The following CADM2 variants were observed in gnomAD, a reference collection of about 807,000 sequenced individuals.
CADM2 encodes the protein cell adhesion molecule 2.
In CADM2, 12 loss-of-function variants were observed where a neutral mutation model predicts 49.8. The observed-to-expected ratio is 0.24, with a 90% CI of 0.15 to 0.39. The LOEUF (loss-of-function observed/expected upper bound fraction) is 0.39, where lower values mean the gene tolerates loss of function less well. Among genes scored for constraint, CADM2 ranks in the 10% least tolerant of loss-of-function variants. The pLI, the probability that CADM2 is intolerant of heterozygous loss-of-function variation, is 1.00. For synonymous variants in CADM2, 214 were observed against 175.4 expected, an observed-to-expected ratio of 1.22 and a Z score of -1.74; for missense variants, 378 against 492.3, an observed-to-expected ratio of 0.77 and a Z score of 2.20.
At chr3:85,202,006 G>C (rs1285431280) in intron 1 of CADM2, among the ~76,000 whole-genome samples, 1 of 150,822 alleles carries the variant, frequency 6.6e-6, no homozygotes, top group Non-Finnish European at 1.5e-5. Context: ...CTTGAACCAG[G>C]GAGGAGGAGG....
chr3:85,911,961 A>T (rs1717659543), intron 5 of CADM2, among the ~76,000 whole-genome samples: 1 of 145,522 alleles, frequency 6.9e-6, no homozygotes, highest in African/African-American at 2.6e-5. Flanking sequence ...TTTTTTTTTT[A>T]GACAGAGTCT....
At chr3:85,500,131 T>C (rs1326338067) in intron 1 of CADM2, among the ~76,000 whole-genome samples, 2 of 152,168 alleles carry the variant, frequency 1.3e-5, no homozygotes, top group East Asian at 3.9e-4. Context: ...CAAAAGAAAC[T>C]ATTTTACCTC....
At chr3:85,807,906 T>C (rs1157643053) in intron 3 of CADM2, among the ~76,000 whole-genome samples, 1 of 152,178 alleles carries the variant, frequency 6.6e-6, no homozygotes. Flanking sequence ...TTTTACCATT[T>C]AAATTGTACA....
chr3:85,058,151 C>T (rs1233318097), intron 1 of CADM2, among the ~76,000 whole-genome samples: 1 of 152,068 alleles, frequency 6.6e-6, no homozygotes, highest in Non-Finnish European at 1.5e-5. Flanking sequence ...AGTTATTTTA[C>T]TATAAATCTG....
intron 1 of CADM2, among the ~76,000 whole-genome samples, chr3:85,424,118 G>T (rs1341905270): frequency 6.6e-6 from 1 of 151,990 alleles, no homozygotes; most frequent in Non-Finnish European, 1.5e-5. Flanking sequence ...CTACTGGAGA[G>T]ATTTTTCTGA....
At chr3:86,064,605 G>A (rs528002618) in intron 8 of CADM2, among the ~76,000 whole-genome samples, 1 of 152,118 alleles carries the variant, frequency 6.6e-6, no homozygotes, top group South Asian at 2.1e-4. Flanking sequence ...GGTATTTCTA[G>A]TTCTAGATCC....
chr3:85,487,434 G>A (rs2039465354), intron 1 of CADM2, among the ~76,000 whole-genome samples: 1 of 152,118 alleles, frequency 6.6e-6, no homozygotes, highest in African/African-American at 2.4e-5. Flanking sequence ...GGGAGATTGA[G>A]GTGGAAGGAT....
At chr3:86,065,293 C>T (rs1401602789) in intron 8 of CADM2, among the ~76,000 whole-genome samples, 1 of 152,134 alleles carries the variant, frequency 6.6e-6, no homozygotes, top group Non-Finnish European at 1.5e-5. Context: ...CAGACATACA[C>T]ACACATATTT....
intron 3 of CADM2, among the ~76,000 whole-genome samples, chr3:85,828,961 G>C (rs2074054648): frequency 6.6e-6 from 1 of 151,782 alleles, no homozygotes; most frequent in South Asian, 2.1e-4. Context: ...CACTTTGTAA[G>C]TTCTTATTTT....
intron 1 of CADM2, among the ~76,000 whole-genome samples, chr3:85,184,062 G>C (rs1445213798): frequency 6.6e-6 from 1 of 152,130 alleles, no homozygotes; most frequent in African/African-American, 2.4e-5. Flanking sequence ...AGGTGATCAA[G>C]GAGTTAAGAA....
chr3:85,310,610 A>T (rs1358126759), intron 1 of CADM2, among the ~76,000 whole-genome samples: 1 of 152,180 alleles, frequency 6.6e-6, no homozygotes, highest in African/African-American at 2.4e-5. Context: ...AGCTTGCAAA[A>T]CTTGGAGCAA....
At chr3:86,052,605 T>C (rs1436574124) in intron 8 of CADM2, among the ~76,000 whole-genome samples, 2 of 152,112 alleles carry the variant, frequency 1.3e-5, no homozygotes, top group Non-Finnish European at 2.9e-5. Flanking sequence ...ATTTTACATA[T>C]AATTATACTT....
intron 8 of CADM2, among the ~76,000 whole-genome samples, chr3:86,022,421 A>C (rs1248412799): frequency 3.3e-5 from 5 of 152,050 alleles, no homozygotes; most frequent in African/African-American, 1.2e-4. Context: ...CTTCTCTTTC[A>C]AACTTATTTT....
In CADM2 at chr3:85,153,383, TA is replaced by T. The variant is rs561303032; in HGVS notation, c.61+193721del. Among the ~76,000 whole-genome samples the T allele has an allele frequency of 6.9e-3, 1,053 of 152,312 alleles. 10 individuals are homozygous for T. The highest frequency in any genetic ancestry group is 0.023 in the African/African-American group (963 of 41,568). ...GAATACTGCACTTTTCTGATGGTCT[TA>T]AAAAATGGCGCACCAGGAGATTATA... On this transcript the variant is annotated intron_variant, in intron 1 of 9. Coordinates refer to ENST00000383699, the MANE Select transcript of CADM2 (RefSeq NM_001167675.2).
intron 1 of CADM2, among the ~76,000 whole-genome samples, chr3:85,185,794 G>T (rs749306351): frequency 2.0e-5 from 3 of 152,150 alleles, no homozygotes; most frequent in Non-Finnish European, 4.4e-5. Flanking sequence ...TAATAAACGG[G>T]AGTCATTTTG....
chr3:85,787,414 T>A (rs1044985963), intron 2 of CADM2, among the ~76,000 whole-genome samples: 1 of 152,122 alleles, frequency 6.6e-6, no homozygotes, highest in Admixed American at 6.6e-5. Flanking sequence ...ATTTTTACAA[T>A]GATTCATCTT....
chr3:85,787,899 A>T (rs1043616794), intron 2 of CADM2, among the ~76,000 whole-genome samples: 1 of 152,068 alleles, frequency 6.6e-6, no homozygotes, highest in South Asian at 2.1e-4. Context: ...GATATTTTTC[A>T]GTTCTTTCAA....
intron 1 of CADM2, among the ~76,000 whole-genome samples, chr3:85,517,977 T>C (rs2060943263): frequency 6.6e-6 from 1 of 152,118 alleles, no homozygotes; most frequent in African/African-American, 2.4e-5. Flanking sequence ...GAAAGACAAA[T>C]GCATGACTCT....
intron 8 of CADM2, among the ~76,000 whole-genome samples, chr3:86,034,348 AG>A (rs1734910717): frequency 6.6e-6 from 1 of 151,980 alleles, no homozygotes; most frequent in Non-Finnish European, 1.5e-5. Flanking sequence ...TAGGTCATGA[AG>A]GTGGTGCCCT....
Sources: gnomAD v4.1 joint callset for allele counts (sites outside exome capture counted in the v4.1 genomes callset) on GRCh38, gnomAD v4.1.1 for gene constraint, MANE v1.5 for transcripts, NCBI Gene and HGNC (gene_info 2026-07-23, HGNC 2026-07-21) for gene names.